The following FAM83A variants were observed in gnomAD, a reference collection of about 807,000 sequenced individuals.
FAM83A encodes the protein protein FAM83A.
FAM83A carries 21 observed loss-of-function variants against 24.4 expected under a neutral mutation model. The ratio of observed to expected loss-of-function variants is 0.86; its 90% confidence interval spans 0.61 to 1.24. The LOEUF is 1.24. Among genes scored for constraint, FAM83A ranks in the 50% most tolerant of loss-of-function variants. The pLI is 0.00. For missense variants in FAM83A, 617 were observed against 579.8 expected (o/e 1.06, Z -0.66); for synonymous variants, 270 against 252.4 (o/e 1.07, Z -0.66).
chr8:123,201,091 G>T (rs528955110), intron 3 of FAM83A: 1 of 151,842 alleles, frequency 6.6e-6, no homozygotes, highest in South Asian at 2.1e-4. Context: ...GGAGGTGGAA[G>T]TTGTAGTGAG....
intron 3 of FAM83A, 60 bp from the exon 4 acceptor site, chr8:123,207,097 A>G: frequency 4.0e-6 from 1 of 247,594 alleles, no homozygotes; most frequent in Admixed American, 1.5e-4. Context: ...CTCCTCCTCC[A>G]CTTCCCCTCC....
At chr8:123,196,580 T>A (rs966060622) in intron 3 of FAM83A, among the ~76,000 whole-genome samples, 14 of 152,246 alleles carry the variant, frequency 9.2e-5, no homozygotes, top group African/African-American at 3.1e-4. Flanking sequence ...CTTCAGTTTT[T>A]AAAATACTTT....
upstream of FAM83A, chr8:123,180,314 C>T (rs994340263): frequency 1.1e-4 from 16 of 152,212 alleles, no homozygotes; most frequent in African/African-American, 3.9e-4. Flanking sequence ...ATGGGAACCA[C>T]TCAGACTGTG....
At chr8:123,192,764 C>T (rs1331935298) in intron 2 of FAM83A, 1 of 152,386 alleles carries the variant, frequency 6.6e-6, no homozygotes, top group Non-Finnish European at 1.5e-5. Flanking sequence ...AGTGCTGCCT[C>T]CTGCTGCCAC....
intron 2 of FAM83A, among the ~76,000 whole-genome samples, chr8:123,193,382 G>A (rs573594466): frequency 9.2e-5 from 14 of 152,312 alleles, no homozygotes; most frequent in African/African-American, 2.6e-4. Flanking sequence ...GCCTAGACTC[G>A]GGGCTCCATA....
chr8:123,207,487 G>A, exon 4 of FAM83A: 3 of 1,584,154 alleles, frequency 1.9e-6, no homozygotes, highest in Non-Finnish European at 2.6e-6. Flanking sequence ...CACCGCCCCG[G>A]TTCCAGCCCC....
chr8:123,182,550 A>C, upstream of FAM83A: 1 of 573,516 alleles, frequency 1.7e-6, no homozygotes, highest in Non-Finnish European at 3.3e-6. Context: ...TGCGGCTGGG[A>C]GGAGAGGAAA....
At chr8:123,183,657 C>T (rs576342844) in intron 1 of FAM83A, among the ~76,000 whole-genome samples, 1 of 149,598 alleles carries the variant, frequency 6.7e-6, no homozygotes. Context: ...CTTTTTTTTT[C>T]TTTTTTTTCT....
chr8:123,203,087 A>G (rs1824412994), intron 3 of FAM83A, among the ~76,000 whole-genome samples: 2 of 152,176 alleles, frequency 1.3e-5, no homozygotes, highest in Admixed American at 1.3e-4. Flanking sequence ...AACTCCCCGT[A>G]TGTAAAATGG....
At chr8:123,192,110 T>C (rs1320400902) in intron 2 of FAM83A, 140 bp downstream of exon 2, 2 of 913,852 alleles carry the variant, frequency 2.2e-6, no homozygotes, top group Non-Finnish European at 1.6e-6. Flanking sequence ...CAAACTCCTA[T>C]GTAGGTCAGA....
At chr8:123,194,053 G>A in exon 3 of FAM83A, 1 of 1,614,230 alleles carries the variant, frequency 6.2e-7, no homozygotes, top group Non-Finnish European at 8.5e-7. Flanking sequence ...TGGAAGGAGA[G>A]ATATACTGTG....
chr8:123,194,483 T>C (rs1824079910), intron 3 of FAM83A, among the ~76,000 whole-genome samples: 1 of 147,116 alleles, frequency 6.8e-6, no homozygotes, highest in South Asian at 2.2e-4. Context: ...GCACATCCCA[T>C]TGCTTTTTTT....
intron 1 of FAM83A, 121 bp from the exon 2 acceptor site, chr8:123,191,682 C>T (rs888343303): frequency 1.1e-4 from 116 of 1,028,226 alleles, no homozygotes; most frequent in Non-Finnish European, 1.6e-4. Context: ...ACCCCATCCT[C>T]TCCCCTCTGG....
At chr8:123,198,630 G>A (rs980578845) in intron 3 of FAM83A, among the ~76,000 whole-genome samples, 7 of 152,116 alleles carry the variant, frequency 4.6e-5, no homozygotes, top group Admixed American at 2.6e-4. Flanking sequence ...TCAGCTTCTC[G>A]AAATATGAAT....
At chr8:123,207,393 G>A in exon 4 of FAM83A, 2 of 1,611,170 alleles carry the variant, frequency 1.2e-6, no homozygotes, top group Non-Finnish European at 1.7e-6. Flanking sequence ...CCCTTCAGCG[G>A]CCGCTCGGCA....
At chr8:123,189,127 G>A (rs1563781633) in intron 1 of FAM83A, among the ~76,000 whole-genome samples, 1 of 152,378 alleles carries the variant, frequency 6.6e-6, no homozygotes, top group East Asian at 1.9e-4. Flanking sequence ...GAAAGCCTAA[G>A]CTGCTTTCAG....
intron 1 of FAM83A, among the ~76,000 whole-genome samples, chr8:123,184,794 C>CCTCTCTCCCTCT: frequency 6.6e-6 from 1 of 152,262 alleles, no homozygotes; most frequent in African/African-American, 2.4e-5. Flanking sequence ...TCTCTGTCTC[C>CCTCTCTCCCTCT]CTCTCTCCCT....
chr8:123,205,358 A>G (rs1824511448), intron 3 of FAM83A, among the ~76,000 whole-genome samples: 1 of 152,260 alleles, frequency 6.6e-6, no homozygotes, highest in Non-Finnish European at 1.5e-5. Flanking sequence ...TTCTGAGTGC[A>G]GTGCGGCCCT....
intron 3 of FAM83A, among the ~76,000 whole-genome samples, chr8:123,205,822 C>T (rs1824532443): frequency 6.6e-6 from 1 of 152,094 alleles, no homozygotes; most frequent in Admixed American, 6.6e-5. Context: ...AGGAGTTTTC[C>T]ATCGGAAACA....
Sources: gnomAD v4.1 joint callset for allele counts (sites outside exome capture counted in the v4.1 genomes callset) on GRCh38, gnomAD v4.1.1 for gene constraint, MANE v1.5 for transcripts, NCBI Gene and HGNC (gene_info 2026-07-23, HGNC 2026-07-21) for gene names.